RNASET2: variants seen among roughly 807,000 people sequenced by gnomAD.
RNASET2 encodes the protein ribonuclease T2.
A neutral mutation model predicts 33.9 loss-of-function variants in RNASET2; 28 were observed. The observed-to-expected ratio is 0.83, with a 90% CI of 0.61 to 1.13. The LOEUF is 1.13. RNASET2 is among the 50% of genes most tolerant of loss of function. The pLI is 0.00. For synonymous variants in RNASET2, 123 were observed against 121.0 expected (o/e 1.02, Z -0.11); for missense variants, 330 against 319.9 (o/e 1.03, Z -0.24).
At chr6:166,941,531 G>A (rs1778693413) in intron 5 of RNASET2, among the ~76,000 whole-genome samples, 1 of 152,080 alleles carries the variant, frequency 6.6e-6, no homozygotes, top group African/African-American at 2.4e-5. Flanking sequence ...AACACAGGCT[G>A]TGCAGAACAG....
intron 5 of RNASET2, among the ~76,000 whole-genome samples, chr6:166,940,211 T>C (rs1214257201): frequency 6.6e-6 from 1 of 152,246 alleles, no homozygotes; most frequent in African/African-American, 2.4e-5. Context: ...CTCAGCTTTA[T>C]TGGTGATGAA....
chr6:166,943,324 G>C (rs951729519), intron 4 of RNASET2: 2 of 423,512 alleles, frequency 4.7e-6, no homozygotes, highest in Admixed American at 6.9e-5. Flanking sequence ...TATAGGTGAA[G>C]GGATAAAGTG....
chr6:166,925,220 T>A lies in RNASET2; in HGVS notation c.*4368A>T, dbSNP rs1290522574. ...AGCCCTCACCTCTGCTGTCCAGGCA[T>A]CACCCTTGCTGTCCAGCCGACACCT... On this transcript the variant is annotated 3_prime_UTR_variant, in exon 9 of 9. Transcript: ENST00000508775. Among the ~76,000 whole-genome samples the A allele has an allele frequency of 6.7e-6, 1 of 149,786 alleles. No homozygotes were observed. Among genetic ancestry groups the A allele is most frequent in the Non-Finnish European group, 1.5e-5 (1 of 67,676 alleles).
intron 7 of RNASET2, 168 bp from the exon 8 acceptor site, chr6:166,931,286 G>A: frequency 1.5e-6 from 1 of 650,014 alleles, no homozygotes; most frequent in Admixed American, 2.4e-5. Context: ...CAGCGAAGCA[G>A]AGGATGCTGT....
In RNASET2 at chr6:166,938,982, GTCCCATGCTTT is replaced by G; in HGVS notation, c.348_358del (p.Glu116AspfsTer50). 1.2e-6 allele frequency: 2 copies of G among 1,613,404 alleles called. No homozygotes were observed. Among genetic ancestry groups the G allele is most frequent in the Non-Finnish European group, 1.7e-6 (2 of 1,179,906 alleles). ...GAGCGCATCCACCTGGGCGGCGCAG[GTCCCATGCTTT>G]TCCCACTCATGCTTCCTGTGAGGAT... On this transcript the variant is annotated frameshift_variant, in exon 6 of 9. Coordinates refer to ENST00000508775, the MANE Select transcript of RNASET2 (RefSeq NM_003730.6). LOFTEE classifies it high-confidence loss of function.
chr6:166,955,287 CACGCACAG>C (rs1779108254), intron 1 of RNASET2, among the ~76,000 whole-genome samples: 1 of 63,478 alleles, frequency 1.6e-5, no homozygotes, highest in African/African-American at 9.9e-5. Flanking sequence ...ACACGACACA[CACGCACAG>C]ACGCGCACAC....
At chr6:166,936,665 G>T (rs1246171941) in intron 6 of RNASET2, among the ~76,000 whole-genome samples, 2 of 152,108 alleles carry the variant, frequency 1.3e-5, no homozygotes, top group African/African-American at 4.8e-5. Context: ...CCCCTGCAAG[G>T]GGGCATTAAC....
At chr6:166,946,950 T>C (rs1778861898) in intron 3 of RNASET2, 1 of 631,450 alleles carries the variant, frequency 1.6e-6, no homozygotes, top group Non-Finnish European at 2.9e-6. Flanking sequence ...GGAAAAGAAA[T>C]TGTGTTAAAC....
intron 5 of RNASET2, among the ~76,000 whole-genome samples, chr6:166,942,028 G>A (rs897689009): frequency 6.7e-6 from 1 of 149,008 alleles, no homozygotes; most frequent in Non-Finnish European, 1.5e-5. Flanking sequence ...TAAGTCATAG[G>A]CATGAGATCA....
chr6:166,955,219 A>ATG (rs1779088746), intron 1 of RNASET2, among the ~76,000 whole-genome samples: 2 of 88,870 alleles, frequency 2.3e-5, no homozygotes, highest in East Asian at 1.1e-3. Context: ...GCACGCACAC[A>ATG]CGCGCACACA....
chr6:166,952,390 G>A (rs745594845), intron 2 of RNASET2, 98 bp downstream of exon 2: 39 of 1,055,758 alleles, frequency 3.7e-5, no homozygotes, highest in Non-Finnish European at 4.6e-5. Flanking sequence ...CCTACCTCCC[G>A]CACCAGCAGC....
chr6:166,931,135 G>A lies in RNASET2; in HGVS notation c.493-17C>T, dbSNP rs1778428521. ...ATCTGCAACCTGATTTTAAATACAAGTGTATTAGAAATTAAACTTCAACAG... is the reference window on the plus strand; with the variant it reads ...ATCTGCAACCTGATTTTAAATACAAATGTATTAGAAATTAAACTTCAACAG... On this transcript the variant is annotated splice_polypyrimidine_tract_variant and intron_variant, in intron 7 of 8. Transcript: ENST00000508775. 4 of 1,536,840 alleles carry A rather than the reference G, an allele frequency of 2.6e-6. No individual in the cohort carries two copies. Among genetic ancestry groups the A allele is most frequent in the Non-Finnish European group, 3.6e-6 (4 of 1,109,716 alleles).
chr6:166,923,636 T>C lies in RNASET2; in HGVS notation c.*5952A>G, dbSNP rs1417284628. Among the ~76,000 whole-genome samples, 1 of 149,664 alleles carries C rather than the reference T, an allele frequency of 6.7e-6. No individual in the cohort carries two copies. Among genetic ancestry groups the C allele is most frequent in the Non-Finnish European group, 1.5e-5 (1 of 67,566 alleles). On this transcript the variant is annotated 3_prime_UTR_variant, in exon 9 of 9. Transcript: ENST00000508775. Reference sequence around the variant, plus strand: ...TCAGAAAAAAAAAATAGAATTCTTATCAGAAAAAAAATGACATAAAACTGC... The same window carrying C: ...TCAGAAAAAAAAAATAGAATTCTTACCAGAAAAAAAATGACATAAAACTGC...
At chr6:166,955,348 C>CAA (rs1562507529) in intron 1 of RNASET2, 65 of 126,638 alleles carry the variant, frequency 5.1e-4, no homozygotes, top group African/African-American at 4.2e-3. Context: ...CACGCACACG[C>CAA]ACGCACACAC....
rs984277055 is a variant in RNASET2, at chr6:166,923,693, A to T, written c.*5895T>A. ...CATCATCTGTCAGAGATTTTGCTTC[A>T]GATAAGAAAACCCTCACTACTGCCC... On this transcript the variant is annotated 3_prime_UTR_variant, in exon 9 of 9. Coordinates refer to ENST00000508775, the MANE Select transcript of RNASET2 (RefSeq NM_003730.6). Among the ~76,000 whole-genome samples, 7 of 152,188 alleles carry T rather than the reference A, an allele frequency of 4.6e-5. No homozygotes were observed. The highest frequency in any genetic ancestry group is 8.8e-5 in the Non-Finnish European group (6 of 68,030).
At chr6:166,946,256 G>C (rs1417811996) in intron 4 of RNASET2, among the ~76,000 whole-genome samples, 2 of 152,272 alleles carry the variant, frequency 1.3e-5, no homozygotes, top group Non-Finnish European at 2.9e-5. Context: ...CCAGGCCTGT[G>C]CTCTCTGAGC....
intron 8 of RNASET2, among the ~76,000 whole-genome samples, 195 bp from the exon 9 acceptor site, chr6:166,929,986 G>T (rs956388218): frequency 2.6e-5 from 4 of 152,252 alleles, no homozygotes; most frequent in African/African-American, 9.6e-5. Flanking sequence ...GTGGCCCCAG[G>T]TGACTCGCCT....
chr6:166,955,065 C>A (rs1271681583), intron 1 of RNASET2, among the ~76,000 whole-genome samples: 2 of 152,072 alleles, frequency 1.3e-5, no homozygotes, highest in Admixed American at 6.5e-5. Context: ...CCGATCATTA[C>A]CCAAATAGAA....
chr6:166,928,439 C>A lies in RNASET2; in HGVS notation c.*1149G>T, dbSNP rs967191295. 8.8e-6 allele frequency among the ~76,000 whole-genome samples: 1 copy of A among 113,088 alleles called. No homozygotes were observed. Among genetic ancestry groups the A allele is most frequent in the Non-Finnish European group, 1.7e-5 (1 of 57,332 alleles). The allele number at this position is 113,088 out of a possible 152,430, so 74.2% of individuals were successfully genotyped here. ...AGCCGAATATTCACAGGCATTGATA[C>A]AGCTGTTTTTTTTTTTTTTGTAAAT... On this transcript the variant is annotated 3_prime_UTR_variant, in exon 9 of 9. Transcript: ENST00000508775.
Sources: allele counts gnomAD v4.1 joint callset (sites outside exome capture counted in the v4.1 genomes callset), GRCh38; gene constraint gnomAD v4.1.1; transcripts MANE v1.5; gene names NCBI Gene and HGNC (gene_info 2026-07-23, HGNC 2026-07-21).